Variants in CRB1 observed in about 807,000 individuals in gnomAD.
CRB1 encodes protein crumbs homolog 1.
Under a neutral mutation model 120.0 loss-of-function variants are expected in CRB1, and 83 were observed. The ratio of observed to expected loss-of-function variants is 0.69; its 90% CI spans 0.58 to 0.83. CRB1 has a LOEUF of 0.83. Among genes scored for constraint, CRB1 ranks in the 40% least tolerant of loss-of-function variants. CRB1 has a pLI of 0.00. For synonymous variants in CRB1, 625 were observed against 612.5 expected (o/e 1.02, Z -0.30); for missense variants, 1,699 against 1,687.6 (o/e 1.01, Z -0.12).
At chr1:197,449,689 G>A (rs757162370) in intron 11 of CRB1, among the ~76,000 whole-genome samples, 3 of 152,098 alleles carry the variant, frequency 2.0e-5, no homozygotes, top group Non-Finnish European at 4.4e-5. Context: ...TTTTATTTTG[G>A]CAGGCAGTCT....
Position 197,434,778 on chromosome 1 carries a change from A to G in CRB1, c.2915A>G (p.Glu972Gly). 1 of 1,613,704 alleles carries G rather than the reference A, an allele frequency of 6.2e-7. No homozygotes were observed. Among genetic ancestry groups the G allele is most frequent in the Non-Finnish European group, 8.5e-7 (1 of 1,179,660 alleles). ...AGAAGCAATGGGAATATTACCAGAG[A>G]ACTCACCAATATCACATTTGGTTTC... Reference protein sequence around the residue: ...LFRSNGNITRELTNITFGFRT... With the variant: ...LFRSNGNITRGLTNITFGFRT... Residue 972 changes from glutamate (E) to glycine (G), a missense_variant, in exon 9 of 12, where the codon GAA becomes GGA. Glu to Gly is a moderately conservative substitution (Grantham distance 98, BLOSUM62 -2). Transcript: ENST00000367400.
intron 5 of CRB1, among the ~76,000 whole-genome samples, chr1:197,395,408 T>C (rs1183193742): frequency 6.6e-6 from 1 of 152,144 alleles, no homozygotes; most frequent in African/African-American, 2.4e-5. Flanking sequence ...CCACCTTAGG[T>C]GCATGCTTTT....
chr1:197,446,783 A>G (rs1665720629), intron 11 of CRB1, among the ~76,000 whole-genome samples: 1 of 152,170 alleles, frequency 6.6e-6, no homozygotes, highest in Admixed American at 6.5e-5. Context: ...CTGTGGGTCT[A>G]AGGGGGTGAT....
chr1:197,315,159 G>C (rs1172446595), intron 1 of CRB1, among the ~76,000 whole-genome samples: 1 of 152,112 alleles, frequency 6.6e-6, no homozygotes, highest in African/African-American at 2.4e-5. Flanking sequence ...ACAGTGCTCA[G>C]TTCCCAAAAA....
At chr1:197,206,598 T>A in the CRB1 span, among the ~76,000 whole-genome samples, 1 of 152,152 alleles carries the variant, frequency 6.6e-6, no homozygotes, top group Non-Finnish European at 1.5e-5. Flanking sequence ...TTCACTGTGA[T>A]CTGAAAGAGT....
chr1:197,343,241 C>A (rs983064531), intron 2 of CRB1, among the ~76,000 whole-genome samples: 1 of 151,866 alleles, frequency 6.6e-6, no homozygotes, highest in Non-Finnish European at 1.5e-5. Context: ...CTTTTAATAC[C>A]ATTTTAATAT....
intron 11 of CRB1, among the ~76,000 whole-genome samples, chr1:197,469,699 G>A (rs924153170): frequency 6.6e-6 from 1 of 152,174 alleles, no homozygotes; most frequent in Non-Finnish European, 1.5e-5. Flanking sequence ...CCAAGCTAAT[G>A]TCCAGTAGTT....
chr1:197,288,923 A>G (rs1461548593), intron 1 of CRB1, among the ~76,000 whole-genome samples: 3 of 151,718 alleles, frequency 2.0e-5, no homozygotes, highest in East Asian at 1.9e-4. Context: ...TTTTGAAGAA[A>G]TAATGCCCAA....
the CRB1 span, among the ~76,000 whole-genome samples, chr1:197,204,098 T>C: frequency 6.6e-6 from 1 of 152,194 alleles, no homozygotes. Context: ...CTCCAATCCA[T>C]GTTGCTGTGA....
At chr1:197,346,466 A>G (rs1322107169) in intron 3 of CRB1, among the ~76,000 whole-genome samples, 4 of 152,192 alleles carry the variant, frequency 2.6e-5, no homozygotes, top group African/African-American at 9.6e-5. Flanking sequence ...TGGAATACTG[A>G]ATAGATTTCT....
chr1:197,436,632 T>G (rs1235358324), intron 9 of CRB1, among the ~76,000 whole-genome samples: 1 of 152,170 alleles, frequency 6.6e-6, no homozygotes, highest in East Asian at 1.9e-4. Flanking sequence ...AGTGAATGAA[T>G]TTATTAATAA....
At chr1:197,282,918 T>C (rs919172321) in intron 1 of CRB1, among the ~76,000 whole-genome samples, 1 of 151,830 alleles carries the variant, frequency 6.6e-6, no homozygotes, top group African/African-American at 2.4e-5. Context: ...AAATTTTGTT[T>C]ATTTCTTTCT....
chr1:197,337,217 A>G (rs1030183628), intron 2 of CRB1, among the ~76,000 whole-genome samples: 8 of 152,294 alleles, frequency 5.3e-5, no homozygotes, highest in Middle Eastern at 3.4e-3. Context: ...AAGAAATTAT[A>G]ATCTATGAGC....
At position 197,313,762 on chromosome 1, in the gene CRB1, C is replaced by T. The variant is rs541079380; in HGVS notation, c.71-14660C>T. 4.2e-4 allele frequency among the ~76,000 whole-genome samples: 64 copies of T among 152,252 alleles called. No homozygotes were observed. The South Asian group carries it at 0.013, about 31-fold the overall frequency. ...ATGACCTCCAGTTCCATTCATGTTG[C>T]CGCAAATGACAGGATTTCATTCTTT... On this transcript the variant is annotated intron_variant, in intron 1 of 11. Coordinates refer to ENST00000367400, the MANE Select transcript of CRB1 (RefSeq NM_201253.3).
intron 5 of CRB1, among the ~76,000 whole-genome samples, chr1:197,414,609 A>G (rs967664576): frequency 2.0e-5 from 3 of 152,168 alleles, no homozygotes; most frequent in African/African-American, 7.2e-5. Flanking sequence ...GCAAATAACA[A>G]TAAGCTTCAA....
intron 6 of CRB1, among the ~76,000 whole-genome samples, chr1:197,426,137 T>C (rs996931763): frequency 3.3e-5 from 5 of 152,046 alleles, no homozygotes; most frequent in Admixed American, 2.6e-4. Flanking sequence ...ATGCTTCCAG[T>C]TGCTTAGGCC....
At chr1:197,465,255 T>C (rs1666703125) in intron 11 of CRB1, among the ~76,000 whole-genome samples, 1 of 152,202 alleles carries the variant, frequency 6.6e-6, no homozygotes, top group Non-Finnish European at 1.5e-5. Flanking sequence ...TGTTAGACTT[T>C]ATTTTTGTCC....
At chr1:197,273,486 C>T (rs186519919) in intron 1 of CRB1, among the ~76,000 whole-genome samples, 3 of 152,168 alleles carry the variant, frequency 2.0e-5, no homozygotes, top group Admixed American at 1.3e-4. Flanking sequence ...CTGTGTGTAA[C>T]CCACACTTAA....
chr1:197,417,074 T>C (rs1259142344), intron 5 of CRB1, among the ~76,000 whole-genome samples: 1 of 152,194 alleles, frequency 6.6e-6, no homozygotes, highest in Non-Finnish European at 1.5e-5. Flanking sequence ...AGTGGGTCTA[T>C]AAGGAGATTT....
Sources: gnomAD v4.1 joint callset for allele counts (sites outside exome capture counted in the v4.1 genomes callset) on GRCh38, gnomAD v4.1.1 for gene constraint, MANE v1.5 for transcripts, NCBI Gene and HGNC (gene_info 2026-07-23, HGNC 2026-07-21) for gene names.